The following PTPRN2 variants were observed in gnomAD, a reference collection of about 807,000 sequenced individuals.
PTPRN2 encodes protein tyrosine phosphatase receptor type N2.
In PTPRN2, 74 loss-of-function variants were observed where a neutral mutation model predicts 118.8. The observed-to-expected ratio is 0.62, with a 90% confidence interval of 0.52 to 0.76. PTPRN2 has a LOEUF of 0.76. Ranked by LOEUF, PTPRN2 falls within the 30% of genes least tolerant of loss-of-function variation. The pLI is 0.00. For missense variants in PTPRN2, 1,481 were observed against 1,394.4 expected, an observed-to-expected ratio of 1.06 and a Z score of -0.99; for synonymous variants, 641 against 608.0, an observed-to-expected ratio of 1.05 and a Z score of -0.80.
rs142541878 is a variant in PTPRN2, at chr7:158,307,597, G to A, written c.277+9222C>T. Among the ~76,000 whole-genome samples the A allele has an allele frequency of 2.2e-3, 334 of 152,238 alleles. 3 individuals carry two copies. Among genetic ancestry groups the A allele is most frequent in the African/African-American group, 7.4e-3 (306 of 41,540 alleles). ...ATCTAAGACACTCAATGAACTCCAA[G>A]TAGAATAAACTCTAAGACAGCCACA... is the stretch of plus-strand genomic sequence containing the variant. On this transcript the variant is annotated intron_variant, in intron 3 of 22. Transcript: ENST00000389418.
rs1202972349 is a variant in PTPRN2, at chr7:158,295,855, C to T, written c.277+20964G>A. 1.1e-4 allele frequency among the ~76,000 whole-genome samples: 16 copies of T among 152,290 alleles called. 1 individual carries two copies. The highest frequency in any genetic ancestry group is 2.6e-4 in the Admixed American group (4 of 15,292). On this transcript the variant is annotated intron_variant, in intron 3 of 22. Transcript: ENST00000389418. ...GCCTGTCTGCCCAGATGCTGCCCCA[C>T]ATCTCCATAGCACCCAGTTGTGCAC... is the stretch of plus-strand genomic sequence containing the variant.
chr7:157,882,188 C>T (rs984362351), intron 12 of PTPRN2, among the ~76,000 whole-genome samples: 5 of 151,264 alleles, frequency 3.3e-5, no homozygotes, highest in Admixed American at 1.3e-4. Context: ...GGCTAGAAAA[C>T]ACCACTCCAA....
rs551868411 is a variant in PTPRN2 at position 157,912,314 on chromosome 7, T to G, written c.1724-13577A>C. On this transcript the variant is annotated intron_variant, in intron 11 of 22. Transcript: ENST00000389418. ...TTCGTGTATGTTTATTCATCATTCA[T>G]GCTTCCTCTTACATGAAATTTTTGT... Among the ~76,000 whole-genome samples, 91 of 152,378 alleles carry G rather than the reference T, an allele frequency of 6.0e-4. 1 individual carries two copies. Among genetic ancestry groups the G allele is most frequent in the Middle Eastern group, 3.4e-3 (1 of 294 alleles).
At chr7:158,481,032 C>T (rs1820605445) in intron 2 of PTPRN2, among the ~76,000 whole-genome samples, 1 of 152,386 alleles carries the variant, frequency 6.6e-6, no homozygotes, top group South Asian at 2.1e-4. Flanking sequence ...AACAGCCTTA[C>T]ATTGAAGAAG....
chr7:158,008,490 G>A (rs764467178), intron 11 of PTPRN2, among the ~76,000 whole-genome samples: 32 of 152,312 alleles, frequency 2.1e-4, no homozygotes, highest in African/African-American at 7.0e-4. Flanking sequence ...CGGCTTACAC[G>A]GCGGAAACAC....
At chr7:157,841,308 A>G (rs149581526) in intron 12 of PTPRN2, among the ~76,000 whole-genome samples, 2 of 152,326 alleles carry the variant, frequency 1.3e-5, no homozygotes, top group African/African-American at 2.4e-5. Context: ...AAGAGACAAA[A>G]CTGTGAACGA....
intron 11 of PTPRN2, among the ~76,000 whole-genome samples, chr7:158,041,949 A>G (rs1240254827): frequency 6.6e-6 from 1 of 152,050 alleles, no homozygotes; most frequent in Admixed American, 6.5e-5. Context: ...ATCTTGCAAC[A>G]CTCTTAGTAA....
chr7:158,288,460 G>C (rs1370226582), intron 3 of PTPRN2, among the ~76,000 whole-genome samples: 1 of 151,954 alleles, frequency 6.6e-6, no homozygotes, highest in Non-Finnish European at 1.5e-5. Context: ...ATCTACTAAG[G>C]TTTTTGCTTT....
intron 2 of PTPRN2, among the ~76,000 whole-genome samples, chr7:158,357,467 C>T (rs1224885313): frequency 6.6e-6 from 1 of 152,214 alleles, no homozygotes; most frequent in Non-Finnish European, 1.5e-5. Context: ...AGGCTATGCT[C>T]ACCCCAAGGC....
At chr7:158,580,249 G>A (rs1380264887) in intron 1 of PTPRN2, among the ~76,000 whole-genome samples, 1 of 152,192 alleles carries the variant, frequency 6.6e-6, no homozygotes, top group South Asian at 2.1e-4. Context: ...CTGCTGCTTT[G>A]AGCTGGATTA....
At chr7:157,770,987 C>T (rs149916655) in intron 12 of PTPRN2, among the ~76,000 whole-genome samples, 62 of 152,368 alleles carry the variant, frequency 4.1e-4, no homozygotes, top group South Asian at 2.7e-3. Context: ...GCAGAAGTAA[C>T]GCCCTGCCAG....
Position 157,615,498 on chromosome 7 carries a change from G to A in PTPRN2, c.2344+5864C>T, listed in dbSNP as rs756564274. The A allele has an allele frequency of 1.5e-5, 7 of 471,066 alleles. No individual in the cohort carries two copies. The highest frequency in any genetic ancestry group is 4.6e-5 in the South Asian group (3 of 64,570). The allele number at this position is 471,066 out of a possible 1,614,324, so 29.2% of individuals were successfully genotyped here. A position where few individuals can be genotyped will look rare whatever the true frequency, so the allele number is the denominator to read the frequency against. On this transcript the variant is annotated intron_variant, in intron 15 of 22. Transcript: ENST00000389418. The surrounding 1 kb of genome is among the most constrained non-coding windows in gnomAD (Gnocchi z 4.3). ...CTGATGAGCCTTTGCCAATATGCTC[G>A]GGACCTGGGGACGGCTGGGGTGACC...
At chr7:158,523,176 G>C (rs903561223) in intron 1 of PTPRN2, among the ~76,000 whole-genome samples, 1 of 152,126 alleles carries the variant, frequency 6.6e-6, no homozygotes, top group African/African-American at 2.4e-5. Flanking sequence ...AGTTGGAGGG[G>C]CCAGACGGGT....
At chr7:158,313,493 C>A (rs578144692) in intron 3 of PTPRN2, among the ~76,000 whole-genome samples, 73 of 152,328 alleles carry the variant, frequency 4.8e-4, no homozygotes, top group Non-Finnish European at 7.8e-4. Context: ...TTCTGATACA[C>A]CTGGGCAGAC....
At chr7:157,818,867 C>A (rs529193125) in intron 12 of PTPRN2, among the ~76,000 whole-genome samples, 2 of 152,052 alleles carry the variant, frequency 1.3e-5, no homozygotes, top group African/African-American at 4.8e-5. Flanking sequence ...GAAGCTGGCC[C>A]GCCCTCCTCC....
At chr7:157,628,590 A>G (rs1457630830) in intron 14 of PTPRN2, among the ~76,000 whole-genome samples, 9 of 152,232 alleles carry the variant, frequency 5.9e-5, no homozygotes, top group Non-Finnish European at 1.3e-4. Context: ...AAGTCAGGCC[A>G]TCTGACTGAG....
At position 158,563,420 on chromosome 7, in the gene PTPRN2, G is replaced by A. The variant is rs185177253; in HGVS notation, c.112+24138C>T. The stretch of plus-strand genomic sequence containing the variant: ...TACTGCAGCAGTTTGCAAGTTGGCC[G>A]TGATGTCTCATAATATGAAGTTTGG... On this transcript the variant is annotated intron_variant, in intron 1 of 22. Coordinates refer to ENST00000389418, the MANE Select transcript of PTPRN2 (RefSeq NM_002847.5). The surrounding 1 kb of genome is among the most constrained non-coding windows in gnomAD (Gnocchi z 5.1). Among the ~76,000 whole-genome samples the A allele has an allele frequency of 7.9e-5, 12 of 152,316 alleles. No homozygotes were observed. The East Asian group carries it at 1.4e-3, about 17-fold the overall frequency.
chr7:157,549,009 C>T lies in PTPRN2; in HGVS notation c.2913G>A (p.Glu971=), dbSNP rs374120981. ...VLNKMAKGAK[E]IDIAATLEHL... is the part of the protein sequence containing the mutation. ...GCTCCAGGGTCGCTGCGATATCAAT[C>T]TCTTTAGCACCTGCAACAAACCACA... is the stretch of plus-strand genomic sequence containing the variant. The change falls in exon 22 of 23, where the codon GAG becomes GAA. Residue 971 remains glutamate (E), a synonymous_variant. Transcript: ENST00000389418. 3.1e-6 allele frequency: 5 copies of T among 1,614,098 alleles called. No homozygotes were observed. In the African/African-American group the frequency reaches 6.7e-5, roughly 22 times the overall value.
At chr7:158,236,193 G>A (rs2150838626) in intron 3 of PTPRN2, among the ~76,000 whole-genome samples, 1 of 152,292 alleles carries the variant, frequency 6.6e-6, no homozygotes, top group East Asian at 1.9e-4. Context: ...GCCCCTTACG[G>A]TACGTTAGGG....
Sources: gnomAD v4.1 joint callset for allele counts (sites outside exome capture counted in the v4.1 genomes callset) on GRCh38, gnomAD v4.1.1 for gene constraint, Gnocchi (gnomAD v3.1) non-coding constraint, MANE v1.5 for transcripts, NCBI Gene and HGNC (gene_info 2026-07-23, HGNC 2026-07-21) for gene names.